Variants in ABHD6 observed in about 807,000 individuals in gnomAD.
ABHD6 encodes monoacylglycerol lipase ABHD6.
A neutral mutation model predicts 38.8 loss-of-function variants in ABHD6; 33 were observed. That is an observed-to-expected ratio of 0.85 (90% CI 0.64 to 1.14). ABHD6 has a LOEUF of 1.14. ABHD6 is among the 50% of genes most tolerant of loss of function. The probability of loss-of-function intolerance (pLI) is 0.00; values close to 1 mark genes in which losing one functional copy is unlikely to be tolerated. For missense variants in ABHD6, 380 were observed against 422.6 expected (o/e 0.90, Z 0.88); for synonymous variants, 147 against 161.6 (o/e 0.91, Z 0.69).
At chr3:58,289,775 C>G (rs1411240549) in intron 9 of ABHD6, among the ~76,000 whole-genome samples, 5 of 152,098 alleles carry the variant, frequency 3.3e-5, no homozygotes, top group Admixed American at 3.3e-4. Flanking sequence ...GGGGTGGTGG[C>G]TGGGCAGAGG....
Position 58,285,147 on chromosome 3 carries a change from G to A in ABHD6, c.736+8G>A, listed in dbSNP as rs1197745627. ...ACAACTTCTACCGAAAGTGTAAGTA[G>A]CCCTACTTTCAGCTTGGAGCTTGTT... is the stretch of plus-strand genomic sequence containing the variant. On this transcript the variant is annotated splice_region_variant and intron_variant, in intron 8 of 9. Transcript: ENST00000478253. The surrounding 1 kb of genome is among the most constrained non-coding windows in gnomAD (Gnocchi z 4.9). The A allele has an allele frequency of 2.5e-6, 4 of 1,613,702 alleles. No individual in the cohort carries two copies. Among genetic ancestry groups the A allele is most frequent in the African/African-American group, 1.3e-5 (1 of 74,904 alleles).
In ABHD6 at chr3:58,256,096, C is replaced by CACACACACACACACACACAG. The variant is rs1553718607; in HGVS notation, c.-25-453_-25-452insCACACAGACACACACACACA. 6.1e-5 allele frequency among the ~76,000 whole-genome samples: 9 copies of CACACACACACACACACACAG among 147,546 alleles called. No homozygotes were observed. The highest frequency in any genetic ancestry group is 2.2e-4 in the African/African-American group (9 of 40,598). On this transcript the variant is annotated intron_variant, in intron 2 of 9. Transcript: ENST00000478253. This position sits in a 1 kb window ranked among gnomAD's most constrained non-coding sequence, Gnocchi z 4.3. Reference sequence around the variant, plus strand: ...CCACCAACACACACACACACACACACACACACACACACATACACACACTAC... The same window carrying CACACACACACACACACACAG: ...CCACCAACACACACACACACACACACACACACACACACACACACAGACACACACACACATACACACACTAC...
At position 58,273,900 on chromosome 3, in the gene ABHD6, A is replaced by G. The variant is rs1036144945; in HGVS notation, c.524-758A>G. Among the ~76,000 whole-genome samples the G allele has an allele frequency of 1.3e-5, 2 of 152,222 alleles. No individual in the cohort carries two copies. Among genetic ancestry groups the G allele is most frequent in the African/African-American group, 4.8e-5 (2 of 41,446 alleles). ...AGAACTTAAAGTAAAAAAAGAAAAA[A>G]AAATCTAATTATTTGGCTAAGCTAA... On this transcript the variant is annotated intron_variant, in intron 6 of 9. Transcript: ENST00000478253. The surrounding 1 kb of genome is among the most constrained non-coding windows in gnomAD (Gnocchi z 4.8).
intron 1 of ABHD6, among the ~76,000 whole-genome samples, chr3:58,243,027 C>T (rs758975078): frequency 1.1e-4 from 16 of 152,162 alleles, no homozygotes; most frequent in African/African-American, 3.6e-4. Flanking sequence ...CAGCTTCATC[C>T]ATGTCCCTAC....
chr3:58,258,326 A>G, intron 3 of ABHD6: 2 of 428,786 alleles, frequency 4.7e-6, no homozygotes, highest in Admixed American at 2.7e-5. Flanking sequence ...ATATGTATAT[A>G]TATCAAAAAG....
intron 5 of ABHD6, among the ~76,000 whole-genome samples, chr3:58,270,191 C>T (rs1383856234): frequency 6.6e-6 from 1 of 152,022 alleles, no homozygotes; most frequent in Non-Finnish European, 1.5e-5. Flanking sequence ...GTTGAATAGA[C>T]AAATGGATGG....
intron 1 of ABHD6, among the ~76,000 whole-genome samples, chr3:58,245,827 A>AAAG (rs1559769801): frequency 2.0e-5 from 3 of 150,894 alleles, no homozygotes; most frequent in East Asian, 2.0e-4. Context: ...GAAAGAAAGA[A>AAAG]AAAGAAAGAA....
intron 9 of ABHD6, among the ~76,000 whole-genome samples, chr3:58,291,774 A>C (rs1554125): frequency 0.78 from 119,238 of 152,070 alleles, 47,472 homozygotes; most frequent in East Asian, 1. Context: ...GGTTTCTGAT[A>C]TCTCTCCAGG....
rs766203355 is a variant in ABHD6 at position 58,269,324 on chromosome 3, C to T, written c.280C>T (p.Leu94Phe). 6.2e-7 allele frequency: 1 copy of T among 1,613,356 alleles called. No homozygotes were observed. The highest frequency in any genetic ancestry group is 1.7e-5 in the Admixed American group (1 of 59,990). The change falls in exon 5 of 10, where the codon CTT becomes TTT. Residue 94 changes from leucine (L) to phenylalanine (F), a missense_variant. Transcript: ENST00000478253. This position sits in a 1 kb window ranked among gnomAD's most constrained non-coding sequence, Gnocchi z 4.4. ...CTCTGGGTCTGTGTGTCCTCAGTTCCTTCCAAAGAACCTGCACTTGGTCTG... is the reference window on the plus strand; with the variant it reads ...CTCTGGGTCTGTGTGTCCTCAGTTCTTTCCAAAGAACCTGCACTTGGTCTG... ...KDMWLSVVKF[L>F]PKNLHLVCVD...
At chr3:58,275,695 C>T (rs1559780282) in intron 7 of ABHD6, among the ~76,000 whole-genome samples, 1 of 152,092 alleles carries the variant, frequency 6.6e-6, no homozygotes. Flanking sequence ...GCACAGATTG[C>T]AGGTTTCATA....
In ABHD6 at chr3:58,251,201, C is replaced by G. The variant is rs577234549; in HGVS notation, c.-26+1259C>G. On this transcript the variant is annotated intron_variant, in intron 2 of 9. Transcript: ENST00000478253. The surrounding 1 kb of genome is among the most constrained non-coding windows in gnomAD (Gnocchi z 5.4). ...GCATGGTGGCAGATGCCTGTAATCC[C>G]AGCTACTCAGGAGGCTGAGACAGGA... is the stretch of plus-strand genomic sequence containing the variant. Among the ~76,000 whole-genome samples, 1 of 152,032 alleles carries G rather than the reference C, an allele frequency of 6.6e-6. No homozygotes were observed. The highest frequency in any genetic ancestry group is 1.5e-5 in the Non-Finnish European group (1 of 67,976).
chr3:58,276,676 T>A (rs1386195773), intron 7 of ABHD6, among the ~76,000 whole-genome samples: 1 of 152,244 alleles, frequency 6.6e-6, no homozygotes, highest in African/African-American at 2.4e-5. Context: ...GTTTTAGTCA[T>A]GAAGTCCTTG....
rs886717359 is a variant in ABHD6 at position 58,293,450 on chromosome 3, C to T, written c.838-139C>T. Reference sequence around the variant, plus strand: ...TTCAGACAGCCACAAGCCCCAACACCAAAGGGACTTGGTCCTAAAATTCAC... The same window carrying T: ...TTCAGACAGCCACAAGCCCCAACACTAAAGGGACTTGGTCCTAAAATTCAC... On this transcript the variant is annotated intron_variant, in intron 9 of 9. Coordinates refer to ENST00000478253, the MANE Select transcript of ABHD6 (RefSeq NM_001320126.2). This position sits in a 1 kb window ranked among gnomAD's most constrained non-coding sequence, Gnocchi z 4.4. 23 of 837,148 alleles carry T rather than the reference C, an allele frequency of 2.7e-5. 3 individuals are homozygous for T. Among genetic ancestry groups the T allele is most frequent in the Admixed American group, 2.8e-5 (1 of 35,260 alleles). The allele number at this position is 837,148 out of a possible 1,614,324, so 51.9% of individuals were successfully genotyped here. A position where few individuals can be genotyped will look rare whatever the true frequency, so the allele number is the denominator to read the frequency against.
rs190745187 is a variant in ABHD6 at position 58,275,432 on chromosome 3, C to G, written c.681+617C>G. Among the ~76,000 whole-genome samples the G allele has an allele frequency of 2.9e-3, 443 of 150,536 alleles. 4 individuals are homozygous for G. Among genetic ancestry groups the G allele is most frequent in the African/African-American group, 9.9e-3 (406 of 40,828 alleles). Reference sequence around the variant, plus strand: ...GCAACCTCTGCCTCCCAGGTTCAAGCGATTCTTCTGCCTCAGCCTCCTGAG... The same window carrying G: ...GCAACCTCTGCCTCCCAGGTTCAAGGGATTCTTCTGCCTCAGCCTCCTGAG... On this transcript the variant is annotated intron_variant, in intron 7 of 9. Transcript: ENST00000478253.
intron 2 of ABHD6, among the ~76,000 whole-genome samples, chr3:58,254,851 TAC>T (rs58771259): frequency 0.22 from 32,425 of 146,658 alleles, 3,589 homozygotes; most frequent in Admixed American, 0.25. Context: ...TATATGTGTA[TAC>T]ACACACACAC....
chr3:58,269,296 ACT>A lies in ABHD6; in HGVS notation c.277-20_277-19del. On this transcript the variant is annotated intron_variant, in intron 4 of 9. Coordinates refer to ENST00000478253, the MANE Select transcript of ABHD6 (RefSeq NM_001320126.2). This position sits in a 1 kb window ranked among gnomAD's most constrained non-coding sequence, Gnocchi z 4.4. ...GACATGTTTTGCACACCACATACTG[ACT>A]CTCTGGGTCTGTGTGTCCTCAGTTC... 3.8e-6 allele frequency: 6 copies of A among 1,582,516 alleles called. No homozygotes were observed. The highest frequency in any genetic ancestry group is 5.2e-6 in the Non-Finnish European group (6 of 1,152,208).
intron 1 of ABHD6, among the ~76,000 whole-genome samples, chr3:58,246,591 C>G (rs775812436): frequency 2.0e-5 from 3 of 152,150 alleles, no homozygotes; most frequent in Non-Finnish European, 2.9e-5. Flanking sequence ...AGGGAGGGGA[C>G]TGTGGGCTGG....
At position 58,294,717 on chromosome 3, in the gene ABHD6, A is replaced by G. The variant is rs148080690; in HGVS notation, c.*952A>G. ...ACCACAATGACATGAAATAAATTTAATAAGTCTAGATCAGCAACATGCAGG... is the reference window on the plus strand; with the variant it reads ...ACCACAATGACATGAAATAAATTTAGTAAGTCTAGATCAGCAACATGCAGG... On this transcript the variant is annotated 3_prime_UTR_variant, in exon 10 of 10. Coordinates refer to ENST00000478253, the MANE Select transcript of ABHD6 (RefSeq NM_001320126.2). The G allele has an allele frequency of 2.8e-3, 421 of 152,796 alleles. 2 individuals are homozygous for G. The highest frequency in any genetic ancestry group is 4.4e-3 in the Non-Finnish European group (302 of 68,040). 9.5% of individuals were successfully genotyped at this position (152,796 alleles called of 1,614,324 possible). A position where few individuals can be genotyped will look rare whatever the true frequency, so the allele number is the denominator to read the frequency against.
At chr3:58,272,369 A>G (rs547841539) in intron 6 of ABHD6, among the ~76,000 whole-genome samples, 7 of 152,252 alleles carry the variant, frequency 4.6e-5, no homozygotes, top group African/African-American at 1.7e-4. Context: ...CCTCCTTTTT[A>G]TGACTCATAT....
Sources: allele counts gnomAD v4.1 joint callset (sites outside exome capture counted in the v4.1 genomes callset), GRCh38; gene constraint gnomAD v4.1.1; non-coding constraint Gnocchi (gnomAD v3.1); transcripts MANE v1.5; gene names NCBI Gene and HGNC (gene_info 2026-07-23, HGNC 2026-07-21).